The following LUZP2 variants were observed in gnomAD, a reference collection of about 807,000 sequenced individuals.
LUZP2 encodes leucine zipper protein 2.
A neutral mutation model predicts 51.6 loss-of-function variants in LUZP2; 52 were observed. That is an observed-to-expected ratio of 1.01 (90% CI 0.81 to 1.27). The LOEUF (loss-of-function observed/expected upper bound fraction) is 1.27. Ranked by LOEUF, LUZP2 falls within the 50% of genes most tolerant of loss-of-function variation. The pLI, the probability that LUZP2 is intolerant of heterozygous loss-of-function variation, is 0.00. For synonymous variants in LUZP2, 154 were observed against 137.3 expected (o/e 1.12, Z -0.85); for missense variants, 436 against 395.4 (o/e 1.10, Z -0.87).
chr11:24,870,239 T>G (rs996270459), intron 5 of LUZP2, among the ~76,000 whole-genome samples: 3 of 152,168 alleles, frequency 2.0e-5, no homozygotes, highest in African/African-American at 7.2e-5. Context: ...ATATTTCTGC[T>G]CTTTCACCTC....
chr11:24,980,544 G>A (rs181223204), intron 8 of LUZP2, among the ~76,000 whole-genome samples: 33 of 151,574 alleles, frequency 2.2e-4, no homozygotes, highest in East Asian at 2.0e-3. Flanking sequence ...TATAACAAGC[G>A]TGTGTTGTGT....
chr11:24,871,307 T>C (rs892699211), intron 5 of LUZP2, among the ~76,000 whole-genome samples: 1 of 152,122 alleles, frequency 6.6e-6, no homozygotes, highest in African/African-American at 2.4e-5. Context: ...CAATTTCCTT[T>C]ATGGAAATGG....
chr11:24,525,988 T>A (rs966282103), intron 1 of LUZP2, among the ~76,000 whole-genome samples: 9 of 151,458 alleles, frequency 5.9e-5, no homozygotes, highest in Non-Finnish European at 8.9e-5. Flanking sequence ...TCCATGATTT[T>A]AGTGAAGACA....
chr11:24,793,188 T>C (rs1025779462), intron 5 of LUZP2, among the ~76,000 whole-genome samples: 5 of 152,174 alleles, frequency 3.3e-5, no homozygotes, highest in East Asian at 1.9e-4. Flanking sequence ...CCCTGTATGA[T>C]TGCTGATGAA....
chr11:24,759,918 C>T (rs773736363), intron 4 of LUZP2, among the ~76,000 whole-genome samples: 10 of 152,112 alleles, frequency 6.6e-5, no homozygotes, highest in Non-Finnish European at 1.0e-4. Flanking sequence ...GGTCTGAGAA[C>T]AAGTGCCCCT....
At chr11:24,735,181 A>G (rs1340501266) in intron 3 of LUZP2, among the ~76,000 whole-genome samples, 1 of 151,886 alleles carries the variant, frequency 6.6e-6, no homozygotes, top group Admixed American at 6.6e-5. Context: ...CAAACAGAGA[A>G]AGGAGTGTGT....
rs567497860 is a variant in LUZP2 at position 24,798,857 on chromosome 11, G to A, written c.396+35549G>A. On this transcript the variant is annotated intron_variant, in intron 5 of 11. Transcript: ENST00000336930. ...TGTAGAAACAATGCTGTGTACAGTG[G>A]ACAGTAGTGGCCAAAGAAGTGCCAC... is the stretch of plus-strand genomic sequence containing the variant. Among the ~76,000 whole-genome samples, 72 of 152,206 alleles carry A rather than the reference G, an allele frequency of 4.7e-4. 1 individual carries two copies. Among genetic ancestry groups the A allele is most frequent in the South Asian group, 8.3e-4 (4 of 4,820 alleles).
At chr11:24,898,056 AT>A (rs754936045) in intron 5 of LUZP2, among the ~76,000 whole-genome samples, 21 of 152,304 alleles carry the variant, frequency 1.4e-4, no homozygotes, top group Non-Finnish European at 2.6e-4. Flanking sequence ...ATATAGTTGA[AT>A]GGATCTAGGA....
intron 1 of LUZP2, among the ~76,000 whole-genome samples, chr11:24,587,109 A>G (rs1853093950): frequency 6.6e-6 from 1 of 152,138 alleles, no homozygotes; most frequent in South Asian, 2.1e-4. Flanking sequence ...CAACAAATAT[A>G]CAGTCTAATT....
At chr11:24,847,936 G>T (rs1360937902) in intron 5 of LUZP2, among the ~76,000 whole-genome samples, 1 of 151,990 alleles carries the variant, frequency 6.6e-6, no homozygotes, top group Non-Finnish European at 1.5e-5. Flanking sequence ...ATTTAAGCTG[G>T]CTTATTTGTT....
intron 9 of LUZP2, among the ~76,000 whole-genome samples, chr11:25,047,376 T>TA (rs149439480): frequency 0.25 from 10,680 of 43,122 alleles, 1,272 homozygotes; most frequent in African/African-American, 0.47. Flanking sequence ...TTCTTTTTTT[T>TA]ATTTTTTTTA....
chr11:24,982,002 AT>A (rs943802534), intron 8 of LUZP2, among the ~76,000 whole-genome samples: 53 of 152,108 alleles, frequency 3.5e-4, no homozygotes, highest in African/African-American at 1.3e-3. Flanking sequence ...CAACAAGCAT[AT>A]GAAAAAAGCT....
chr11:24,509,284 G>T (rs536005149), intron 1 of LUZP2, among the ~76,000 whole-genome samples: 1 of 152,046 alleles, frequency 6.6e-6, no homozygotes, highest in African/African-American at 2.4e-5. Context: ...AAGTCGTTTG[G>T]CTGGAACTGT....
chr11:24,651,561 G>T (rs998998138), intron 1 of LUZP2, among the ~76,000 whole-genome samples: 2 of 152,018 alleles, frequency 1.3e-5, no homozygotes, highest in African/African-American at 4.8e-5. Context: ...GGGAAAATAA[G>T]GTTTGAAGAA....
intron 1 of LUZP2, among the ~76,000 whole-genome samples, chr11:24,675,600 T>C (rs375204948): frequency 1.3e-5 from 2 of 152,196 alleles, no homozygotes; most frequent in South Asian, 2.1e-4. Flanking sequence ...TACATTTGAA[T>C]AAAGTAAGCT....
chr11:24,647,785 T>A (rs1411032531), intron 1 of LUZP2, among the ~76,000 whole-genome samples: 1 of 151,994 alleles, frequency 6.6e-6, no homozygotes, highest in African/African-American at 2.4e-5. Flanking sequence ...CCTACTTCAA[T>A]TATTTTATTC....
At chr11:24,499,386 A>T (rs1398174862) in intron 1 of LUZP2, among the ~76,000 whole-genome samples, 3 of 152,214 alleles carry the variant, frequency 2.0e-5, no homozygotes, top group Admixed American at 2.0e-4. Context: ...TCTCTAACAG[A>T]AGGCCATTCT....
intron 1 of LUZP2, among the ~76,000 whole-genome samples, chr11:24,597,179 T>C (rs78682489): frequency 0.011 from 1,678 of 152,312 alleles, 26 homozygotes; most frequent in African/African-American, 0.038. Context: ...AGGTATACTA[T>C]ATGTATAAGC....
chr11:24,833,197 A>G (rs991934849), intron 5 of LUZP2, among the ~76,000 whole-genome samples: 2 of 152,282 alleles, frequency 1.3e-5, no homozygotes, highest in East Asian at 1.9e-4. Context: ...ACAATAAAAG[A>G]CCTACTGTCT....
Sources: allele counts gnomAD v4.1 joint callset (sites outside exome capture counted in the v4.1 genomes callset), GRCh38; gene constraint gnomAD v4.1.1; transcripts MANE v1.5; gene names NCBI Gene and HGNC (gene_info 2026-07-23, HGNC 2026-07-21).